The following ATP13A1 variants were observed in gnomAD, a reference collection of about 807,000 sequenced individuals.
ATP13A1 encodes the protein endoplasmic reticulum transmembrane helix translocase.
ATP13A1 carries 55 observed loss-of-function variants against 134.8 expected under a neutral mutation model. That is an observed-to-expected ratio of 0.41 (90% confidence interval 0.33 to 0.51). The LOEUF is 0.51. Among genes scored for constraint, ATP13A1 ranks in the 20% least tolerant of loss-of-function variants. ATP13A1 has a pLI of 0.29. For missense variants in ATP13A1, 1,389 were observed against 1,652.8 expected, an observed-to-expected ratio of 0.84 and a Z score of 2.77; for synonymous variants, 775 against 725.1, an observed-to-expected ratio of 1.07 and a Z score of -1.10.
At position 19,656,597 on chromosome 19, in the gene ATP13A1, G is replaced by A. The variant is rs1308255615; in HGVS notation, c.1083+63C>T. ...GAGGGGGATCCCCGCCACCCCCTGGGCCTCCACCTCCTGGCCTGTTTCCTC... is the reference window on the plus strand; with the variant it reads ...GAGGGGGATCCCCGCCACCCCCTGGACCTCCACCTCCTGGCCTGTTTCCTC... On this transcript the variant is annotated intron_variant, in intron 7 of 25. Transcript: ENST00000357324. The surrounding 1 kb of genome is among the most constrained non-coding windows in gnomAD (Gnocchi z 4.6). The A allele has an allele frequency of 6.5e-6, 10 of 1,528,494 alleles. No individual in the cohort carries two copies. Among genetic ancestry groups the A allele is most frequent in the Non-Finnish European group, 8.0e-6 (9 of 1,121,438 alleles). The allele number at this position is 1,528,494 out of a possible 1,614,324, so 94.7% of individuals were successfully genotyped here. A position where few individuals can be genotyped will look rare whatever the true frequency, so the allele number is the denominator to read the frequency against.
Position 19,654,575 on chromosome 19 carries a change from A to G in ATP13A1, c.1781T>C (p.Met594Thr). ...TLVGDPLEKA[M>T]LTAVDWTLTK... ...CAGCGTCCAGTCCACGGCCGTCAGC[A>G]TGGCCTTCTCTAGAGGGTCACCCAC... is the stretch of plus-strand genomic sequence containing the variant. The change falls in exon 13 of 26, where the codon ATG becomes ACG. Residue 594 changes from methionine (M) to threonine (T), a missense_variant. Transcript: ENST00000357324. 1 of 1,612,770 alleles carries G rather than the reference A, an allele frequency of 6.2e-7. No individual in the cohort carries two copies. Among genetic ancestry groups the G allele is most frequent in the Non-Finnish European group, 8.5e-7 (1 of 1,179,634 alleles).
chr19:19,652,343 G>C (rs1243684501), intron 16 of ATP13A1, among the ~76,000 whole-genome samples: 1 of 152,202 alleles, frequency 6.6e-6, no homozygotes, highest in Non-Finnish European at 1.5e-5. Flanking sequence ...CGGGGAAGTG[G>C]AGAGAAGTGC....
chr19:19,652,400 G>A (rs1157016051), intron 16 of ATP13A1, among the ~76,000 whole-genome samples, 195 bp downstream of exon 16: 1 of 152,218 alleles, frequency 6.6e-6, no homozygotes, highest in Non-Finnish European at 1.5e-5. Flanking sequence ...GTCTGTGGAG[G>A]AGAGAGGAGC....
At chr19:19,654,271 A>T (rs2062043132) in intron 13 of ATP13A1, 127 bp from the exon 14 acceptor site, 1 of 1,111,388 alleles carries the variant, frequency 9.0e-7, no homozygotes, top group Non-Finnish European at 1.3e-6. Context: ...GCTCTGGGCT[A>T]GAGCAGGTGT....
intron 3 of ATP13A1, among the ~76,000 whole-genome samples, chr19:19,658,863 G>A (rs1318612269): frequency 1.3e-5 from 2 of 152,150 alleles, no homozygotes; most frequent in Non-Finnish European, 2.9e-5. Flanking sequence ...AGCACTTTGG[G>A]ATGTTGATTT....
chr19:19,657,194 C>T (rs1048837204), intron 4 of ATP13A1, 45 bp from the exon 5 acceptor site: 57 of 1,489,192 alleles, frequency 3.8e-5, no homozygotes, highest in African/African-American at 5.6e-5. Context: ...CCGCCCTGTT[C>T]CCATGAGCCC....
Position 19,655,791 on chromosome 19 carries a change from G to A in ATP13A1, c.1269+87C>T. On this transcript the variant is annotated intron_variant, in intron 9 of 25. Transcript: ENST00000357324. This position sits in a 1 kb window ranked among gnomAD's most constrained non-coding sequence, Gnocchi z 5.7. ...GGCCGTGCTGCCAGAGTCAGCCCGTGGGGCAGATGTTCTGGGGTCGGAAAG... is the reference window on the plus strand; with the variant it reads ...GGCCGTGCTGCCAGAGTCAGCCCGTAGGGCAGATGTTCTGGGGTCGGAAAG... The A allele has an allele frequency of 1.3e-6, 2 of 1,534,326 alleles. No individual in the cohort carries two copies. Among genetic ancestry groups the A allele is most frequent in the South Asian group, 2.4e-5 (2 of 84,272 alleles).
At position 19,653,564 on chromosome 19, in the gene ATP13A1, A is replaced by G. The variant is rs1488843344; in HGVS notation, c.2100+220T>C. 6.6e-6 allele frequency among the ~76,000 whole-genome samples: 1 copy of G among 152,182 alleles called. No homozygotes were observed. The highest frequency in any genetic ancestry group is 6.5e-5 in the Admixed American group (1 of 15,280). ...GGGACACACCAGGACTGGGGCAGGT[A>G]AGCCCTGCGTGTGCTCTGCGTGAGC... On this transcript the variant is annotated intron_variant, in intron 15 of 25. Coordinates refer to ENST00000357324, the MANE Select transcript of ATP13A1 (RefSeq NM_020410.3). This position sits in a 1 kb window ranked among gnomAD's most constrained non-coding sequence, Gnocchi z 4.2.
rs561463285 is a variant in ATP13A1, at chr19:19,648,733, C to T, written c.2632+834G>A. 1.9e-3 allele frequency among the ~76,000 whole-genome samples: 270 copies of T among 139,278 alleles called. 1 individual carries two copies. The highest frequency in any genetic ancestry group is 6.9e-3 in the African/African-American group (251 of 36,564). The allele number at this position is 139,278 out of a possible 152,430, so 91.4% of individuals were successfully genotyped here. On this transcript the variant is annotated intron_variant, in intron 19 of 25. Coordinates refer to ENST00000357324, the MANE Select transcript of ATP13A1 (RefSeq NM_020410.3). ...CTGAAGAAGGAGAATTGCTTGAACCCGGGAAGTAGAGGTTGCAGTGAGCTG... is the reference window on the plus strand; with the variant it reads ...CTGAAGAAGGAGAATTGCTTGAACCTGGGAAGTAGAGGTTGCAGTGAGCTG...
In ATP13A1 at chr19:19,657,034, G is replaced by C. The variant is rs750533319; in HGVS notation, c.866C>G (p.Ser289Trp). The C allele has an allele frequency of 2.5e-6, 4 of 1,574,912 alleles. No individual in the cohort carries two copies. Among genetic ancestry groups the C allele is most frequent in the Non-Finnish European group, 3.4e-6 (4 of 1,160,258 alleles). Residue 289 changes from serine to tryptophan, a missense_variant, in exon 5 of 26, where the codon TCG becomes TGG. Transcript: ENST00000357324. ...SLVQQQMRNM[S>W]EIRKMGNKPH... ...CTTGTTGCCCATCTTCCGGATCTCC[G>C]ACATGTTCCGCATCTGCTGCTGCAC...
At chr19:19,646,524 C>T (rs1193532397) in intron 22 of ATP13A1, 177 bp from the exon 23 acceptor site, 3 of 778,480 alleles carry the variant, frequency 3.9e-6, no homozygotes, top group Non-Finnish European at 2.0e-6. Flanking sequence ...CCTCTCACCC[C>T]TGAGCCCAGG....
Position 19,645,943 on chromosome 19 carries a change from G to A in ATP13A1, c.3291C>T (p.Ser1097=). The change falls in exon 24 of 26, where the codon AGC becomes AGT. Residue 1097 remains serine (S), a synonymous_variant. Transcript: ENST00000357324. The surrounding 1 kb of genome is among the most constrained non-coding windows in gnomAD (Gnocchi z 4.1). ...FVDLYKEFEP[S]LVNSTVYIMA... The stretch of plus-strand genomic sequence containing the variant: ...TGATGTAGACGGTGCTGTTGACCAG[G>A]CTTGGCTCAAACTCCTTGTACAAGT... The A allele has an allele frequency of 6.2e-7, 1 of 1,613,474 alleles. No homozygotes were observed. Among genetic ancestry groups the A allele is most frequent in the Non-Finnish European group, 8.5e-7 (1 of 1,179,876 alleles).
intron 1 of ATP13A1, among the ~76,000 whole-genome samples, chr19:19,660,944 T>C (rs552770797): frequency 1.3e-5 from 2 of 151,912 alleles, no homozygotes; most frequent in African/African-American, 4.8e-5. Flanking sequence ...CTGGGCATAG[T>C]GGCAGGCACC....
Position 19,660,001 on chromosome 19 carries a change from A to C in ATP13A1, c.397-14T>G. 1.9e-6 allele frequency: 3 copies of C among 1,553,810 alleles called. No individual in the cohort carries two copies. Among genetic ancestry groups the C allele is most frequent in the Non-Finnish European group, 2.6e-6 (3 of 1,150,688 alleles). On this transcript the variant is annotated splice_polypyrimidine_tract_variant and intron_variant, in intron 1 of 25. Transcript: ENST00000357324. ...GGGGTCGTACTCCTGACAGAGACAA[A>C]GAAAGCATTGTGGCTTAGCTCTTCT...
chr19:19,647,747 A>G lies in ATP13A1; in HGVS notation c.2645T>C (p.Leu882Ser), dbSNP rs757013356. The change falls in exon 20 of 26, where the codon TTG becomes TCG. Residue 882 changes from leucine to serine, a missense_variant. Coordinates refer to ENST00000357324, the MANE Select transcript of ATP13A1 (RefSeq NM_020410.3). The surrounding 1 kb of genome is among the most constrained non-coding windows in gnomAD (Gnocchi z 4.8). ...GACAACCCGCTCAGGGGCATTGGCC[A>G]AGAGCGCCACACCTGGGGGGCAGGA... ...LKHADVGVAL[L>S]ANAPERVVER... The G allele has an allele frequency of 6.3e-7, 1 of 1,599,682 alleles. No individual in the cohort carries two copies. The highest frequency in any genetic ancestry group is 1.1e-5 in the South Asian group (1 of 89,830).
rs1163737021 is a variant in ATP13A1 at position 19,654,574 on chromosome 19, C to T, written c.1782G>A (p.Met594Ile). 2 of 1,612,554 alleles carry T rather than the reference C, an allele frequency of 1.2e-6. No individual in the cohort carries two copies. The highest frequency in any genetic ancestry group is 1.1e-5 in the South Asian group (1 of 91,030). The change falls in exon 13 of 26, where the codon ATG (methionine) becomes ATA (isoleucine). Residue 594 changes from methionine to isoleucine, a missense_variant. Met to Ile is a conservative substitution (Grantham distance 10). Transcript: ENST00000357324. The stretch of plus-strand genomic sequence containing the variant: ...TCAGCGTCCAGTCCACGGCCGTCAG[C>T]ATGGCCTTCTCTAGAGGGTCACCCA... ...TLVGDPLEKAMLTAVDWTLTK... is the reference protein window; with the variant it reads ...TLVGDPLEKAILTAVDWTLTK...
intron 1 of ATP13A1, chr19:19,662,276 G>A: frequency 2.0e-6 from 2 of 985,398 alleles, no homozygotes; most frequent in African/African-American, 3.5e-5. Context: ...CTCCTCCCCT[G>A]GGATAGATAA....
At chr19:19,646,514 C>A in intron 22 of ATP13A1, 167 bp from the exon 23 acceptor site, 1 of 824,156 alleles carries the variant, frequency 1.2e-6, no homozygotes, top group Non-Finnish European at 1.9e-6. Context: ...TCCCTGCCTG[C>A]CTCTCACCCC....
At position 19,661,267 on chromosome 19, in the gene ATP13A1, C is replaced by T. The variant is rs75411308; in HGVS notation, c.397-1280G>A. Among the ~76,000 whole-genome samples, 455 of 152,314 alleles carry T rather than the reference C, an allele frequency of 3.0e-3. 1 individual carries two copies. Among genetic ancestry groups the T allele is most frequent in the African/African-American group, 1.0e-2 (415 of 41,564 alleles). On this transcript the variant is annotated intron_variant, in intron 1 of 25. Coordinates refer to ENST00000357324, the MANE Select transcript of ATP13A1 (RefSeq NM_020410.3). ...ACCCACCCAGTACGTCCTCAATTCA[C>T]GTGAGCCAAGCCCCCGCCCCATCAC...
Sources: allele counts gnomAD v4.1 joint callset (sites outside exome capture counted in the v4.1 genomes callset), GRCh38; gene constraint gnomAD v4.1.1; non-coding constraint Gnocchi (gnomAD v3.1); transcripts MANE v1.5; gene names NCBI Gene and HGNC (gene_info 2026-07-23, HGNC 2026-07-21).